PLEKHA5: variants seen among roughly 807,000 people sequenced by gnomAD.
PLEKHA5 encodes the protein pleckstrin homology domain containing A5, also known as pleckstrin homology domain-containing family A member 5.
Under a neutral mutation model 181.9 loss-of-function variants are expected in PLEKHA5, and 55 were observed. The observed-to-expected ratio is 0.30, with a 90% confidence interval of 0.24 to 0.38. The LOEUF (loss-of-function observed/expected upper bound fraction) is 0.38, where lower values mean the gene tolerates loss of function less well. PLEKHA5 is among the 10% of genes least tolerant of loss of function. The probability of loss-of-function intolerance (pLI) is 1.00; values close to 1 mark genes in which losing one functional copy is unlikely to be tolerated. For missense variants in PLEKHA5, 1,432 were observed against 1,549.5 expected (o/e 0.92, Z 1.27); for synonymous variants, 535 against 529.4 (o/e 1.01, Z -0.15).
chr12:19,147,910 AT>A (rs1333907200), intron 3 of PLEKHA5, among the ~76,000 whole-genome samples: 1 of 149,614 alleles, frequency 6.7e-6, no homozygotes, highest in Non-Finnish European at 1.5e-5. Flanking sequence ...TAATTTATCT[AT>A]TTTTTTTTAG....
intron 15 of PLEKHA5, chr12:19,306,604 T>A: frequency 1.1e-6 from 1 of 899,702 alleles, no homozygotes; most frequent in Non-Finnish European, 1.9e-6. Flanking sequence ...GCGGGCCCAG[T>A]AGCGGAGGTG....
intron 10 of PLEKHA5, among the ~76,000 whole-genome samples, 187 bp from the exon 11 acceptor site, chr12:19,274,329 A>G (rs1359025968): frequency 6.6e-6 from 1 of 152,114 alleles, no homozygotes; most frequent in East Asian, 1.9e-4. Context: ...TTCTGTTTAT[A>G]CATTCTGGTG....
chr12:19,360,945 C>T (rs539009291), intron 28 of PLEKHA5, among the ~76,000 whole-genome samples: 1 of 151,950 alleles, frequency 6.6e-6, no homozygotes, highest in Non-Finnish European at 1.5e-5. Context: ...TTAGTAGAGA[C>T]GGAGTTTCAC....
intron 3 of PLEKHA5, among the ~76,000 whole-genome samples, chr12:19,160,519 T>C (rs2042730502): frequency 2.6e-5 from 4 of 152,198 alleles, no homozygotes; most frequent in Non-Finnish European, 5.9e-5. Flanking sequence ...ACCTGTACTC[T>C]ACCACTGTAT....
At chr12:19,334,118 T>C (rs2093125159) in intron 20 of PLEKHA5, among the ~76,000 whole-genome samples, 1 of 152,186 alleles carries the variant, frequency 6.6e-6, no homozygotes, top group Non-Finnish European at 1.5e-5. Flanking sequence ...TCTAGTAAAT[T>C]CTTTAATGAA....
intron 18 of PLEKHA5, among the ~76,000 whole-genome samples, chr12:19,322,032 A>G (rs886100949): frequency 6.6e-6 from 1 of 152,118 alleles, no homozygotes; most frequent in South Asian, 2.1e-4. Context: ...TCTATTGTTT[A>G]TATTATTTTC....
chr12:19,231,984 C>T (rs2060698433), intron 3 of PLEKHA5, among the ~76,000 whole-genome samples: 1 of 151,914 alleles, frequency 6.6e-6, no homozygotes, highest in African/African-American at 2.4e-5. Context: ...ATAAATATAA[C>T]CACACATTTC....
At chr12:19,307,825 C>CAG (rs202097380) in intron 15 of PLEKHA5, among the ~76,000 whole-genome samples, 6,237 of 151,826 alleles carry the variant, frequency 0.041, 147 homozygotes, top group South Asian at 0.062. Context: ...GAAGTACAAA[C>CAG]AGAGAGACAA....
chr12:19,249,315 C>T (rs769377764), intron 3 of PLEKHA5, among the ~76,000 whole-genome samples: 30 of 152,100 alleles, frequency 2.0e-4, no homozygotes, highest in Non-Finnish European at 1.0e-4. Context: ...ACAAAAACTG[C>T]AATACCTCAA....
intron 3 of PLEKHA5, among the ~76,000 whole-genome samples, chr12:19,211,138 C>A (rs1477037721): frequency 6.6e-6 from 1 of 151,878 alleles, no homozygotes; most frequent in Non-Finnish European, 1.5e-5. Context: ...TACAGATATA[C>A]CAAAGATATG....
At chr12:19,361,477 C>G in intron 28 of PLEKHA5, 105 bp from the exon 29 acceptor site, 2 of 663,740 alleles carry the variant, frequency 3.0e-6, no homozygotes, top group South Asian at 4.1e-5. Flanking sequence ...GCCATCACGC[C>G]CGACCGTGAT....
chr12:19,232,484 T>C (rs1438549282), intron 3 of PLEKHA5, among the ~76,000 whole-genome samples: 3 of 152,140 alleles, frequency 2.0e-5, no homozygotes, highest in African/African-American at 7.2e-5. Context: ...CTAAGTCTCT[T>C]ATTAAACTGG....
At chr12:19,361,881 G>A (rs994064252) in intron 29 of PLEKHA5, among the ~76,000 whole-genome samples, 175 bp downstream of exon 29, 13 of 152,014 alleles carry the variant, frequency 8.6e-5, no homozygotes, top group African/African-American at 3.1e-4. Flanking sequence ...TTGTAAAAAT[G>A]GCAATAGGGC....
At chr12:19,200,244 C>G (rs1214203268) in intron 3 of PLEKHA5, 3 of 1,005,628 alleles carry the variant, frequency 3.0e-6, no homozygotes, top group African/African-American at 1.6e-5. Flanking sequence ...ACCCATCCCC[C>G]TTAAATATGT....
intron 5 of PLEKHA5, among the ~76,000 whole-genome samples, chr12:19,256,674 A>T (rs1442885263): frequency 6.6e-6 from 1 of 152,226 alleles, no homozygotes; most frequent in Non-Finnish European, 1.5e-5. Context: ...AATTCTAAAG[A>T]AGTATGCTGG....
chr12:19,312,503 C>T (rs2086919469), intron 15 of PLEKHA5, among the ~76,000 whole-genome samples: 3 of 152,240 alleles, frequency 2.0e-5, no homozygotes, highest in African/African-American at 7.2e-5. Flanking sequence ...GCACCTGCTG[C>T]TTCACCTTGC....
intron 3 of PLEKHA5, among the ~76,000 whole-genome samples, chr12:19,155,864 A>G (rs937608776): frequency 1.3e-5 from 2 of 152,218 alleles, no homozygotes; most frequent in African/African-American, 4.8e-5. Flanking sequence ...AACTTATATC[A>G]CTGACTCTGA....
chr12:19,176,993 G>A (rs916492246), intron 3 of PLEKHA5, among the ~76,000 whole-genome samples: 1 of 152,000 alleles, frequency 6.6e-6, no homozygotes, highest in Non-Finnish European at 1.5e-5. Flanking sequence ...TCGGCCTCCT[G>A]AGTAGCTGGG....
chr12:19,170,263 T>C lies in PLEKHA5; in HGVS notation c.227+37813T>C, dbSNP rs567698166. 2.6e-5 allele frequency among the ~76,000 whole-genome samples: 4 copies of C among 152,080 alleles called. No homozygotes were observed. In the East Asian group the frequency reaches 7.7e-4, roughly 29 times the overall value. On this transcript the variant is annotated intron_variant, in intron 3 of 31. Coordinates refer to ENST00000429027, the MANE Select transcript of PLEKHA5 (RefSeq NM_001256470.2). ...ATATGTGGATGGCTTATATGGAATG[T>C]TTTTTTTCTTTGAGTTAAAAAACCT...
Sources: gnomAD v4.1 joint callset for allele counts (sites outside exome capture counted in the v4.1 genomes callset) on GRCh38, gnomAD v4.1.1 for gene constraint, MANE v1.5 for transcripts, NCBI Gene and HGNC (gene_info 2026-07-23, HGNC 2026-07-21) for gene names.